ZNF775: variants seen among roughly 807,000 people sequenced by gnomAD.
The protein encoded by ZNF775 is zinc finger protein 775.
Under a neutral mutation model 2.4 loss-of-function variants are expected in ZNF775, and 1 was observed. The observed-to-expected ratio is 0.41, with a 90% CI of 0.15 to 1.94. The LOEUF is 1.94. Among genes scored for constraint, ZNF775 ranks in the 30% most tolerant of loss-of-function variants. ZNF775 has a pLI of 0.30. For missense variants in ZNF775, 823 were observed against 826.6 expected (o/e 1.00, Z 0.05); for synonymous variants, 381 against 373.3 (o/e 1.02, Z -0.24).
Position 150,396,746 on chromosome 7 carries a change from C to T in ZNF775, c.265C>T (p.Pro89Ser), listed in dbSNP as rs1445303702. ...GGATGCGGGGCTGGCAGGCCGGGCT[C>T]CCGGGTCAGCCTCCGGCCCCCTGAG... Reference protein sequence around the residue: ...EQDAGLAGRAPGSASGPLSPS... With the variant: ...EQDAGLAGRASGSASGPLSPS... The change falls in exon 3 of 3, where the codon CCC (proline) becomes TCC (serine). Residue 89 changes from proline (P) to serine (S), a missense_variant. Pro to Ser is a moderately conservative substitution (Grantham distance 74). Coordinates refer to ENST00000329630, the MANE Select transcript of ZNF775 (RefSeq NM_173680.4). The T allele has an allele frequency of 4.4e-6, 7 of 1,588,492 alleles. No individual in the cohort carries two copies. The highest frequency in any genetic ancestry group is 1.3e-5 in the African/African-American group (1 of 74,670).
intron 2 of ZNF775, among the ~76,000 whole-genome samples, chr7:150,394,226 GT>G (rs1179439775): frequency 1.3e-5 from 2 of 152,038 alleles, no homozygotes; most frequent in Non-Finnish European, 2.9e-5. Flanking sequence ...AAGTTTAATA[GT>G]TTTCTTTGTA....
intron 1 of ZNF775, among the ~76,000 whole-genome samples, chr7:150,385,833 T>C (rs1202444140): frequency 6.6e-6 from 1 of 152,178 alleles, no homozygotes; most frequent in Non-Finnish European, 1.5e-5. Context: ...CTGCTGAAAT[T>C]AGGCTCCTAC....
intron 1 of ZNF775, among the ~76,000 whole-genome samples, chr7:150,387,497 G>A (rs1005166405): frequency 2.0e-5 from 3 of 151,810 alleles, no homozygotes; most frequent in Non-Finnish European, 2.9e-5. Flanking sequence ...CTCAGGAAGC[G>A]CTCAGAAGAC....
rs186983308 is a variant in ZNF775, at chr7:150,396,820, G to C, written c.339G>C (p.Gly113=). The change falls in exon 3 of 3, where the codon GGG becomes GGC. Residue 113 remains glycine (G), a synonymous_variant. Coordinates refer to ENST00000329630, the MANE Select transcript of ZNF775 (RefSeq NM_173680.4). ...GTCACTTTGTATGCCTGGACTGCGG[G>C]AAGAGGTTCAGCTGGTGGTCGTCCC... is the stretch of plus-strand genomic sequence containing the variant. ...GEGHFVCLDC[G]KRFSWWSSLK... is the part of the protein sequence containing the mutation. 7.4e-4 allele frequency: 1,185 copies of C among 1,601,376 alleles called. 10 individuals are homozygous for C. The African/African-American group carries it at 0.014, about 18-fold the overall frequency.
chr7:150,389,402 C>T (rs1342191121), intron 2 of ZNF775, among the ~76,000 whole-genome samples: 1 of 152,246 alleles, frequency 6.6e-6, no homozygotes, highest in African/African-American at 2.4e-5. Context: ...GAAACGTGGC[C>T]GCAAGTGCAA....
intron 2 of ZNF775, among the ~76,000 whole-genome samples, chr7:150,391,706 C>CTTTTTTTTTTTTTTTTT (rs535705895): frequency 1.4e-4 from 10 of 73,572 alleles, no homozygotes; most frequent in Admixed American, 3.6e-4. Context: ...TCCTTTCTTT[C>CTTTTTTTTTTTTTTTTT]TTTTTTTTTT....
Position 150,397,958 on chromosome 7 carries a change from C to G in ZNF775, c.1477C>G (p.Arg493Gly). 6.3e-7 allele frequency: 1 copy of G among 1,599,710 alleles called. No individual in the cohort carries two copies. Among genetic ancestry groups the G allele is most frequent in the Non-Finnish European group, 8.5e-7 (1 of 1,178,326 alleles). The change falls in exon 3 of 3, where the codon CGG becomes GGG. Residue 493 changes from arginine to glycine, a missense_variant. Arg to Gly is a moderately radical substitution (Grantham distance 125). Coordinates refer to ENST00000329630, the MANE Select transcript of ZNF775 (RefSeq NM_173680.4). ...FSQKPNLTRH[R>G]RNHTGERPYL... ...CCAGAAGCCCAACCTGACGCGGCAC[C>G]GGCGCAACCACACAGGCGAGCGGCC...
chr7:150,388,394 C>T, intron 1 of ZNF775, 28 bp from the exon 2 acceptor site: 2 of 1,534,330 alleles, frequency 1.3e-6, no homozygotes, highest in Non-Finnish European at 8.8e-7. Context: ...CAGGCCCATT[C>T]TCTTTCTTCT....
chr7:150,397,006 G>A lies in ZNF775; in HGVS notation c.525G>A (p.Lys175=), dbSNP rs763771361. The change falls in exon 3 of 3, where the codon AAG becomes AAA. Residue 175 remains lysine (K), a synonymous_variant. Transcript: ENST00000329630. ...AGTGCGCGCGGCGCTTCAGCCAGAA[G>A]CAGCACCTGCTCAAGCACCAGAAGA... ...CPECARRFSQ[K]QHLLKHQKTH... is the part of the protein sequence containing the mutation. 7 of 1,599,188 alleles carry A rather than the reference G, an allele frequency of 4.4e-6. No homozygotes were observed. The South Asian group carries it at 7.7e-5, about 18-fold the overall frequency.
Position 150,396,742 on chromosome 7 carries a change from G to A in ZNF775, c.261G>A (p.Arg87=). Residue 87 remains arginine, a synonymous_variant, in exon 3 of 3, where the codon CGG becomes CGA. Coordinates refer to ENST00000329630, the MANE Select transcript of ZNF775 (RefSeq NM_173680.4). ...AGCAGGATGCGGGGCTGGCAGGCCG[G>A]GCTCCCGGGTCAGCCTCCGGCCCCC... The part of the protein sequence containing the change: ...PTEQDAGLAG[R]APGSASGPLS... 6.3e-7 allele frequency: 1 copy of A among 1,589,426 alleles called. No homozygotes were observed. The highest frequency in any genetic ancestry group is 1.1e-5 in the South Asian group (1 of 88,076).
intron 2 of ZNF775, among the ~76,000 whole-genome samples, chr7:150,393,966 G>A (rs752268765): frequency 6.6e-6 from 1 of 152,184 alleles, no homozygotes; most frequent in African/African-American, 2.4e-5. Flanking sequence ...CACTCTGCCC[G>A]GCCAATTCTA....
rs1459139800 is a variant in ZNF775 at position 150,397,286 on chromosome 7, G to T, written c.805G>T (p.Val269Phe). The change falls in exon 3 of 3, where the codon GTC becomes TTC. Residue 269 changes from valine (V) to phenylalanine (F), a missense_variant. Transcript: ENST00000329630. ...WWGQPGARAA[V>F]SGPEGPGEPR... ...GGGCCAGCCCGGGGCCCGGGCCGCG[G>T]TCTCCGGCCCCGAGGGGCCGGGCGA... The T allele has an allele frequency of 4.0e-6, 6 of 1,517,724 alleles. No homozygotes were observed. Among genetic ancestry groups the T allele is most frequent in the Non-Finnish European group, 5.3e-6 (6 of 1,137,736 alleles). 94.0% of individuals were successfully genotyped at this position (1,517,724 alleles called of 1,614,324 possible).
intron 2 of ZNF775, among the ~76,000 whole-genome samples, chr7:150,389,022 G>T (rs1416955417): frequency 6.6e-6 from 1 of 152,244 alleles, no homozygotes; most frequent in African/African-American, 2.4e-5. Flanking sequence ...GCACAGTCAT[G>T]TGCTTTTGGC....
At chr7:150,390,421 G>A (rs1800542739) in intron 2 of ZNF775, among the ~76,000 whole-genome samples, 1 of 152,220 alleles carries the variant, frequency 6.6e-6, no homozygotes, top group South Asian at 2.1e-4. Context: ...GGAGAGGGCT[G>A]AGGGGGAACC....
intron 2 of ZNF775, among the ~76,000 whole-genome samples, chr7:150,389,260 C>G (rs988611116): frequency 6.6e-6 from 1 of 152,248 alleles, no homozygotes; most frequent in African/African-American, 2.4e-5. Flanking sequence ...CCTCTCCCCT[C>G]CCAGGGGAAT....
At chr7:150,392,903 C>T (rs1189146299) in intron 2 of ZNF775, among the ~76,000 whole-genome samples, 1 of 152,162 alleles carries the variant, frequency 6.6e-6, no homozygotes, top group Non-Finnish European at 1.5e-5. Flanking sequence ...TCCCCTATAC[C>T]TTAGCTCCAG....
intron 2 of ZNF775, among the ~76,000 whole-genome samples, chr7:150,390,675 A>T (rs1214283113): frequency 1.3e-5 from 2 of 152,230 alleles, no homozygotes; most frequent in Non-Finnish European, 2.9e-5. Flanking sequence ...ATTCCATATT[A>T]TGAAGGGAAC....
Position 150,398,086 on chromosome 7 carries a change from G to A in ZNF775, c.1605G>A (p.Glu535=). 6.4e-7 allele frequency: 1 copy of A among 1,550,932 alleles called. No homozygotes were observed. The highest frequency in any genetic ancestry group is 8.7e-7 in the Non-Finnish European group (1 of 1,152,564). Residue 535 remains glutamate (E), a synonymous_variant, in exon 3 of 3, where the codon GAG becomes GAA. Transcript: ENST00000329630. The stretch of plus-strand genomic sequence containing the variant: ...CCCCTGCGTGCAGCCCCAAGGAGGA[G>A]GCGCGCTAGTGGACTGGACCTCAGC... ...RAAPACSPKE[E]AR is the part of the protein sequence containing the mutation.
Position 150,398,307 on chromosome 7 carries a change from C to T in ZNF775, c.*212C>T, listed in dbSNP as rs14011. 3.7e-6 allele frequency: 3 copies of T among 806,672 alleles called. No homozygotes were observed. Among genetic ancestry groups the T allele is most frequent in the East Asian group, 2.9e-5 (1 of 34,726 alleles). The allele number at this position is 806,672 out of a possible 1,614,324, so 50.0% of individuals were successfully genotyped here. On this transcript the variant is annotated 3_prime_UTR_variant, in exon 3 of 3. Coordinates refer to ENST00000329630, the MANE Select transcript of ZNF775 (RefSeq NM_173680.4). ...GTGGGTTGAGGGAGGAGGGAAGATC[C>T]GAGTTCCTCACCGCGGGCCGGGATG...
Sources: allele counts gnomAD v4.1 joint callset (sites outside exome capture counted in the v4.1 genomes callset), GRCh38; gene constraint gnomAD v4.1.1; transcripts MANE v1.5; gene names NCBI Gene and HGNC (gene_info 2026-07-23, HGNC 2026-07-21).